The following CELF2 variants were observed in gnomAD, a reference collection of about 807,000 sequenced individuals.
CELF2 encodes the protein CUG triplet repeat RNA-binding protein 2.
Under a neutral mutation model 62.6 loss-of-function variants are expected in CELF2, and 8 were observed. The observed-to-expected ratio is 0.13, with a 90% CI of 0.07 to 0.23. CELF2 has a LOEUF of 0.23. Ranked by LOEUF, CELF2 falls within the 10% of genes least tolerant of loss-of-function variation. CELF2 has a pLI of 1.00. For synonymous variants in CELF2, 258 were observed against 250.0 expected, an observed-to-expected ratio of 1.03 and a Z score of -0.30; for missense variants, 333 against 671.0, an observed-to-expected ratio of 0.50 and a Z score of 5.56.
rs1359368439 is a variant in CELF2 at position 10,928,390 on chromosome 10, C to A, written c.89+8391C>A. ...TTGAAAGCCCAGTGTCATCTCTCTG[C>A]TCTTTTTCTCCCCTACCAAACTCTC... is the stretch of plus-strand genomic sequence containing the variant. On this transcript the variant is annotated intron_variant, in intron 2 of 13. Coordinates refer to the CELF2 transcript ENST00000636488. The surrounding 1 kb of genome is among the most constrained non-coding windows in gnomAD (Gnocchi z 4.8). Among the ~76,000 whole-genome samples the A allele has an allele frequency of 6.6e-6, 1 of 152,166 alleles. No homozygotes were observed. Among genetic ancestry groups the A allele is most frequent in the African/African-American group, 2.4e-5 (1 of 41,438 alleles).
At chr10:11,292,324 T>G (rs4750040) in intron 9 of CELF2, among the ~76,000 whole-genome samples, 9 of 152,316 alleles carry the variant, frequency 5.9e-5, no homozygotes, top group African/African-American at 1.9e-4. Flanking sequence ...TAGTCATGAC[T>G]GATAGACGGT....
At position 11,300,885 on chromosome 10, in the gene CELF2, A is replaced by G. The variant is rs2093653994; in HGVS notation, c.976+12333A>G. Among the ~76,000 whole-genome samples the G allele has an allele frequency of 6.6e-6, 1 of 152,150 alleles. No individual in the cohort carries two copies. The highest frequency in any genetic ancestry group is 1.5e-5 in the Non-Finnish European group (1 of 68,018). The stretch of plus-strand genomic sequence containing the variant: ...CAAAGCCACTGTGTTTTCACTATCT[A>G]ATTGTTCTGTGGAAAGTGTTTAACG... On this transcript the variant is annotated intron_variant, in intron 9 of 12. Transcript: ENST00000633077. The surrounding 1 kb of genome is among the most constrained non-coding windows in gnomAD (Gnocchi z 5.5).
At chr10:10,716,720 A>T in the CELF2 span, among the ~76,000 whole-genome samples, 8 of 152,202 alleles carry the variant, frequency 5.3e-5, no homozygotes, top group Non-Finnish European at 8.8e-5. Flanking sequence ...TAAGTATCAG[A>T]GACCAAGGTG....
At chr10:10,861,339 A>T (rs2060037925) in intron 1 of CELF2, among the ~76,000 whole-genome samples, 1 of 152,172 alleles carries the variant, frequency 6.6e-6, no homozygotes, top group Non-Finnish European at 1.5e-5. Context: ...TTCCCAAGGC[A>T]CTGAAATTAC....
chr10:10,700,352 T>A, the CELF2 span, among the ~76,000 whole-genome samples: 39 of 152,324 alleles, frequency 2.6e-4, no homozygotes, highest in African/African-American at 8.9e-4. Context: ...GAGAATTGTT[T>A]ACATGCAGCC....
the CELF2 span, among the ~76,000 whole-genome samples, chr10:10,738,036 A>G: frequency 6.6e-6 from 1 of 152,130 alleles, no homozygotes; most frequent in African/African-American, 2.4e-5. Context: ...GAAAGCTCTC[A>G]CCCAGGTCTG....
At chr10:10,658,092 A>G in the CELF2 span, among the ~76,000 whole-genome samples, 4 of 152,204 alleles carry the variant, frequency 2.6e-5, no homozygotes, top group African/African-American at 9.7e-5. Context: ...CAAAGCTTGA[A>G]GCTATTGTCA....
At chr10:10,679,019 A>G in the CELF2 span, among the ~76,000 whole-genome samples, 1 of 152,208 alleles carries the variant, frequency 6.6e-6, no homozygotes, top group Non-Finnish European at 1.5e-5. Flanking sequence ...GGGAATTGTG[A>G]TTATGGTCCT....
chr10:11,047,660 T>G (rs887221798), intron 1 of CELF2, among the ~76,000 whole-genome samples: 1 of 152,154 alleles, frequency 6.6e-6, no homozygotes, highest in East Asian at 1.9e-4. Flanking sequence ...AACTCCTTTT[T>G]GAAGCAAAAA....
At chr10:11,100,777 G>T (rs536913693) in intron 1 of CELF2, among the ~76,000 whole-genome samples, 1 of 152,256 alleles carries the variant, frequency 6.6e-6, no homozygotes, top group South Asian at 2.1e-4. Context: ...CAATGAACAG[G>T]TACCTTGGAG....
intron 3 of CELF2, among the ~76,000 whole-genome samples, chr10:11,232,455 A>G (rs1306956750): frequency 1.3e-5 from 2 of 152,140 alleles, no homozygotes; most frequent in Admixed American, 1.3e-4. Context: ...GAAGTGAGTA[A>G]CTCACACAGC....
chr10:10,703,428 G>T, the CELF2 span, among the ~76,000 whole-genome samples: 1 of 152,200 alleles, frequency 6.6e-6, no homozygotes, highest in Non-Finnish European at 1.5e-5. Context: ...CCAACAGTGA[G>T]ACTGTCTTTC....
chr10:10,514,002 C>T, the CELF2 span, among the ~76,000 whole-genome samples: 1 of 152,192 alleles, frequency 6.6e-6, no homozygotes, highest in Non-Finnish European at 1.5e-5. Flanking sequence ...CTTCCTCTTG[C>T]CAGCAATGGA....
chr10:11,329,121 C>T lies in CELF2; in HGVS notation c.*68C>T, dbSNP rs2095910898. On this transcript the variant is annotated 3_prime_UTR_variant, in exon 13 of 13. Transcript: ENST00000633077. This position sits in a 1 kb window ranked among gnomAD's most constrained non-coding sequence, Gnocchi z 5.5. ...GGGTAAGTCCCACGAGCCAGCCTGTCTCAACAGGGAAGGCAGAGGAGGACC... is the reference window on the plus strand; with the variant it reads ...GGGTAAGTCCCACGAGCCAGCCTGTTTCAACAGGGAAGGCAGAGGAGGACC... 1.3e-6 allele frequency: 2 copies of T among 1,506,268 alleles called. No individual in the cohort carries two copies. The highest frequency in any genetic ancestry group is 9.0e-7 in the Non-Finnish European group (1 of 1,112,938). The allele number at this position is 1,506,268 out of a possible 1,614,324, so 93.3% of individuals were successfully genotyped here.
the CELF2 span, among the ~76,000 whole-genome samples, chr10:10,570,553 G>A: frequency 1.3e-5 from 2 of 151,758 alleles, no homozygotes; most frequent in African/African-American, 2.4e-5. Flanking sequence ...TAAAATGGGT[G>A]GATATGAAAG....
At chr10:10,948,052 G>A (rs1358710683) in intron 2 of CELF2, among the ~76,000 whole-genome samples, 1 of 152,212 alleles carries the variant, frequency 6.6e-6, no homozygotes, top group Non-Finnish European at 1.5e-5. Flanking sequence ...ACATTCCAGA[G>A]GGGCTGGGCC....
chr10:10,629,900 T>C, the CELF2 span, among the ~76,000 whole-genome samples: 1 of 150,378 alleles, frequency 6.6e-6, no homozygotes, highest in African/African-American at 2.4e-5. Context: ...AAGCTTGCTT[T>C]TGTGAAGCTA....
chr10:10,656,998 C>G, the CELF2 span, among the ~76,000 whole-genome samples: 1 of 150,084 alleles, frequency 6.7e-6, no homozygotes, highest in South Asian at 2.1e-4. Flanking sequence ...TCATAATGGC[C>G]AACAAGTGGA....
intron 1 of CELF2, among the ~76,000 whole-genome samples, chr10:10,840,848 C>G (rs1000009402): frequency 1.3e-5 from 2 of 152,074 alleles, no homozygotes; most frequent in African/African-American, 4.8e-5. Context: ...CCTTGTCCCC[C>G]ACCCCCTAAC....
Sources: gnomAD v4.1 joint callset for allele counts (sites outside exome capture counted in the v4.1 genomes callset) on GRCh38, gnomAD v4.1.1 for gene constraint, Gnocchi (gnomAD v3.1) non-coding constraint, MANE v1.5 for transcripts, NCBI Gene and HGNC (gene_info 2026-07-23, HGNC 2026-07-21) for gene names.